Variants in MBNL1 observed in about 807,000 individuals in gnomAD.
MBNL1 encodes the protein muscleblind-like protein 1.
In MBNL1, 8 loss-of-function variants were observed where a neutral mutation model predicts 42.2. The observed-to-expected ratio is 0.19, with a 90% CI of 0.11 to 0.34. MBNL1 has a LOEUF of 0.34. Ranked by LOEUF, MBNL1 falls within the 10% of genes least tolerant of loss-of-function variation. The pLI is 1.00. For synonymous variants in MBNL1, 169 were observed against 173.9 expected, an observed-to-expected ratio of 0.97 and a Z score of 0.22; for missense variants, 309 against 495.3, an observed-to-expected ratio of 0.62 and a Z score of 3.57.
At chr3:152,395,282 G>C (rs1219826737) in intron 2 of MBNL1, among the ~76,000 whole-genome samples, 3 of 152,170 alleles carry the variant, frequency 2.0e-5, no homozygotes, top group African/African-American at 7.2e-5. Flanking sequence ...ATTGCTTCAA[G>C]GTTAACGGAG....
chr3:152,429,006 C>T (rs773400098), intron 3 of MBNL1, among the ~76,000 whole-genome samples: 57 of 152,138 alleles, frequency 3.7e-4, no homozygotes, highest in Non-Finnish European at 5.3e-4. Flanking sequence ...ATTTATTGAG[C>T]GCCTACTGTG....
intron 2 of MBNL1, among the ~76,000 whole-genome samples, chr3:152,316,915 T>G (rs1012832001): frequency 4.6e-5 from 7 of 152,134 alleles, no homozygotes; most frequent in Admixed American, 3.3e-4. Flanking sequence ...TATGGATGAA[T>G]TTTTAAAAAG....
Position 152,459,354 on chromosome 3 carries a change from A to G in MBNL1, c.*18+9A>G, listed in dbSNP as rs1580903553. 2 of 1,460,328 alleles carry G rather than the reference A, an allele frequency of 1.4e-6. No homozygotes were observed. Among genetic ancestry groups the G allele is most frequent in the East Asian group, 2.4e-5 (1 of 42,292 alleles). The allele number at this position is 1,460,328 out of a possible 1,614,324, so 90.5% of individuals were successfully genotyped here. On this transcript the variant is annotated intron_variant, in intron 9 of 9. Transcript: ENST00000324210. ...ATTTTCATCACTAAACAGTAAGTTC[A>G]TTATGTAATATATAGTTGCATATTT...
chr3:152,405,144 T>G (rs2098394950), intron 2 of MBNL1, among the ~76,000 whole-genome samples: 1 of 152,194 alleles, frequency 6.6e-6, no homozygotes, highest in African/African-American at 2.4e-5. Context: ...GACTTCCATT[T>G]GGTTCTGACC....
chr3:152,300,383 A>G lies in MBNL1; in HGVS notation c.174+16A>G. On this transcript the variant is annotated intron_variant, in intron 2 of 9. Transcript: ENST00000324210. ...TTCATTGAAAGTGAGTAACTATTAT[A>G]TTCTTTTAAGGATATTCAATGATTG... The G allele has an allele frequency of 6.2e-7, 1 of 1,605,244 alleles. No homozygotes were observed. The highest frequency in any genetic ancestry group is 8.5e-7 in the Non-Finnish European group (1 of 1,172,320).
intron 7 of MBNL1, 95 bp from the exon 8 acceptor site, chr3:152,456,172 T>A: frequency 1.2e-6 from 1 of 849,080 alleles, no homozygotes; most frequent in South Asian, 1.4e-5. Flanking sequence ...ATTGCTGTGA[T>A]AAATACCATG....
chr3:152,415,423 G>A (rs2098683107), intron 3 of MBNL1, among the ~76,000 whole-genome samples: 1 of 152,002 alleles, frequency 6.6e-6, no homozygotes, highest in African/African-American at 2.4e-5. Flanking sequence ...TAACTCACCG[G>A]TATAGTCAAT....
At chr3:152,458,914 T>C (rs1739330296) in intron 8 of MBNL1, 1 of 170,240 alleles carries the variant, frequency 5.9e-6, no homozygotes, top group Non-Finnish European at 1.2e-5. Context: ...TTTCCTTATC[T>C]GATTTCTGGA....
In MBNL1 at chr3:152,269,236, G is replaced by C. The variant is rs2038561861; in HGVS notation, c.-790+144G>C. ...AGGGGCGGGCCGCTCGCGGTAGTTG[G>C]TTTCGCGTCCCTCAGCACCTCCTGC... On this transcript the variant is annotated intron_variant, in intron 1 of 9. Coordinates refer to ENST00000324210, the MANE Select transcript of MBNL1 (RefSeq NM_021038.5). 3 of 369,022 alleles carry C rather than the reference G, an allele frequency of 8.1e-6. No homozygotes were observed. The Admixed American group carries it at 9.9e-5, about 12-fold the overall frequency. 22.9% of individuals were successfully genotyped at this position (369,022 alleles called of 1,614,324 possible).
At chr3:152,400,679 C>G (rs1386003562) in intron 2 of MBNL1, among the ~76,000 whole-genome samples, 1 of 152,110 alleles carries the variant, frequency 6.6e-6, no homozygotes, top group Non-Finnish European at 1.5e-5. Flanking sequence ...GAGACCCTGT[C>G]CAGGATTATA....
intron 1 of MBNL1, among the ~76,000 whole-genome samples, chr3:152,278,910 C>T (rs912244254): frequency 6.6e-6 from 1 of 151,964 alleles, no homozygotes; most frequent in Non-Finnish European, 1.5e-5. Context: ...AGGAGAAAGA[C>T]TTGAAAACTT....
intron 2 of MBNL1, among the ~76,000 whole-genome samples, chr3:152,334,785 CT>C (rs1454678497): frequency 1.3e-5 from 2 of 152,278 alleles, no homozygotes; most frequent in Admixed American, 6.5e-5. Flanking sequence ...TTCATCAAGT[CT>C]TCCTTATAAT....
intron 2 of MBNL1, among the ~76,000 whole-genome samples, chr3:152,381,178 A>G (rs1348688709): frequency 1.3e-5 from 2 of 152,064 alleles, no homozygotes; most frequent in African/African-American, 2.4e-5. Flanking sequence ...ACTACATTCA[A>G]AGTTACTTGT....
At chr3:152,318,450 CATTA>C (rs1433327493) in intron 2 of MBNL1, among the ~76,000 whole-genome samples, 2 of 152,144 alleles carry the variant, frequency 1.3e-5, no homozygotes, top group East Asian at 3.9e-4. Context: ...TTTTTTATTT[CATTA>C]GTACAAATAA....
At chr3:152,430,079 G>A (rs1045894205) in intron 3 of MBNL1, among the ~76,000 whole-genome samples, 5 of 152,042 alleles carry the variant, frequency 3.3e-5, no homozygotes, top group Non-Finnish European at 7.4e-5. Flanking sequence ...AAACAACTCA[G>A]GAAATATTAT....
chr3:152,264,882 CGT>C (rs1559944444), upstream of MBNL1: 1 of 151,734 alleles, frequency 6.6e-6, no homozygotes, highest in African/African-American at 2.4e-5. Flanking sequence ...GTGCAATATA[CGT>C]GTTATACATA....
At chr3:152,417,053 A>T (rs903914547) in intron 3 of MBNL1, among the ~76,000 whole-genome samples, 1 of 152,232 alleles carries the variant, frequency 6.6e-6, no homozygotes, top group Non-Finnish European at 1.5e-5. Flanking sequence ...TACTTTATTC[A>T]GAGTGATGAC....
intron 2 of MBNL1, among the ~76,000 whole-genome samples, chr3:152,365,324 T>C (rs2096285614): frequency 6.6e-6 from 1 of 152,100 alleles, no homozygotes; most frequent in Non-Finnish European, 1.5e-5. Flanking sequence ...CACATGACTA[T>C]TCTCTTCAGG....
intron 2 of MBNL1, among the ~76,000 whole-genome samples, chr3:152,367,464 T>A (rs2096456452): frequency 6.7e-6 from 1 of 150,308 alleles, no homozygotes; most frequent in Non-Finnish European, 1.5e-5. Context: ...GTCTTTACTA[T>A]AGGGAATAGT....
Sources: allele counts gnomAD v4.1 joint callset (sites outside exome capture counted in the v4.1 genomes callset), GRCh38; gene constraint gnomAD v4.1.1; transcripts MANE v1.5; gene names NCBI Gene and HGNC (gene_info 2026-07-23, HGNC 2026-07-21).